HS6ST3: variants seen among roughly 807,000 people sequenced by gnomAD.
The protein encoded by HS6ST3 is heparan sulfate 6-O-sulfotransferase 3, also known as heparan-sulfate 6-O-sulfotransferase 3.
Under a neutral mutation model 36.7 loss-of-function variants are expected in HS6ST3, and 12 were observed. The observed-to-expected ratio is 0.33, with a 90% CI of 0.21 to 0.53. The LOEUF (loss-of-function observed/expected upper bound fraction) is 0.53. HS6ST3 is among the 20% of genes least tolerant of loss of function. HS6ST3 has a pLI of 0.95. For synonymous variants in HS6ST3, 240 were observed against 257.5 expected, an observed-to-expected ratio of 0.93 and a Z score of 0.65; for missense variants, 584 against 640.9, an observed-to-expected ratio of 0.91 and a Z score of 0.96.
intron 1 of HS6ST3, among the ~76,000 whole-genome samples, chr13:96,513,649 A>G (rs745609449): frequency 6.4e-4 from 97 of 152,222 alleles, no homozygotes; most frequent in Non-Finnish European, 1.2e-3. Flanking sequence ...CATACTGTCT[A>G]TAATTTATTT....
intron 1 of HS6ST3, among the ~76,000 whole-genome samples, chr13:96,384,702 A>C (rs1293756868): frequency 6.6e-6 from 1 of 152,150 alleles, no homozygotes; most frequent in Non-Finnish European, 1.5e-5. Context: ...CCATCCCAGA[A>C]GACTCCTTAG....
At chr13:96,737,427 C>G (rs1382081231) in intron 1 of HS6ST3, among the ~76,000 whole-genome samples, 1 of 151,092 alleles carries the variant, frequency 6.6e-6, no homozygotes, top group Non-Finnish European at 1.5e-5. Context: ...AGATCGAGAC[C>G]ATCCTGGCTA....
chr13:96,534,713 C>T (rs1323262368), intron 1 of HS6ST3, among the ~76,000 whole-genome samples: 1 of 152,158 alleles, frequency 6.6e-6, no homozygotes, highest in East Asian at 1.9e-4. Flanking sequence ...AATCCCAGTG[C>T]TTTGGGAGGC....
chr13:96,348,854 A>C (rs1285575595), intron 1 of HS6ST3, among the ~76,000 whole-genome samples: 1 of 152,174 alleles, frequency 6.6e-6, no homozygotes, highest in Non-Finnish European at 1.5e-5. Flanking sequence ...CAGGTGAAGA[A>C]AAGCCTGATA....
intron 1 of HS6ST3, among the ~76,000 whole-genome samples, chr13:96,421,779 T>C (rs1566356634): frequency 6.6e-6 from 1 of 152,234 alleles, no homozygotes; most frequent in Non-Finnish European, 1.5e-5. Flanking sequence ...GTACACATAT[T>C]GTTTGTTTGC....
intron 1 of HS6ST3, among the ~76,000 whole-genome samples, chr13:96,776,572 A>T (rs866541216): frequency 6.6e-6 from 1 of 152,218 alleles, no homozygotes; most frequent in Non-Finnish European, 1.5e-5. Flanking sequence ...ACCTCTACAT[A>T]AATAAACTAC....
intron 1 of HS6ST3, among the ~76,000 whole-genome samples, chr13:96,475,068 G>A (rs1319883584): frequency 1.3e-5 from 2 of 151,410 alleles, no homozygotes; most frequent in East Asian, 3.9e-4. Flanking sequence ...TCACCAGTGA[G>A]GCTACTTTTT....
At position 96,246,098 on chromosome 13, in the gene HS6ST3, T is replaced by C. The variant is rs116671472; in HGVS notation, c.707+154529T>C. 9.8e-3 allele frequency among the ~76,000 whole-genome samples: 1,496 copies of C among 152,294 alleles called. 24 individuals are homozygous for C. Among genetic ancestry groups the C allele is most frequent in the African/African-American group, 0.035 (1,437 of 41,560 alleles). ...TTTATTAGATTAAATAATATGTATGTAGATACATGAGTGGCTGTTTTGTTG... is the reference window on the plus strand; with the variant it reads ...TTTATTAGATTAAATAATATGTATGCAGATACATGAGTGGCTGTTTTGTTG... On this transcript the variant is annotated intron_variant, in intron 1 of 1. Transcript: ENST00000376705.
intron 1 of HS6ST3, among the ~76,000 whole-genome samples, chr13:96,368,566 A>G (rs887912635): frequency 2.0e-5 from 3 of 152,026 alleles, no homozygotes; most frequent in Admixed American, 2.0e-4. Context: ...ATAATTCAGT[A>G]TCTACAGCAT....
chr13:96,815,361 C>A (rs576510876), intron 1 of HS6ST3, among the ~76,000 whole-genome samples: 4 of 152,214 alleles, frequency 2.6e-5, no homozygotes, highest in Non-Finnish European at 5.9e-5. Flanking sequence ...AATGACCTCA[C>A]CTTAACCTGA....
rs1458061763 is a variant in HS6ST3 at position 96,637,017 on chromosome 13, A to G, written c.708-195473A>G. 2.6e-5 allele frequency among the ~76,000 whole-genome samples: 4 copies of G among 152,296 alleles called. No individual in the cohort carries two copies. In the East Asian group the frequency reaches 7.7e-4, roughly 29 times the overall value. ...AAAAATAAAATTTAAATTTAAAAAA[A>G]AAGAATACAAGTGTTTTCTTTAATT... On this transcript the variant is annotated intron_variant, in intron 1 of 1. Transcript: ENST00000376705.
At chr13:96,149,435 T>C (rs1389037872) in intron 1 of HS6ST3, among the ~76,000 whole-genome samples, 2 of 152,180 alleles carry the variant, frequency 1.3e-5, no homozygotes, top group Admixed American at 1.3e-4. Context: ...TTTTCCTGTT[T>C]TGAGAGAAAA....
At chr13:96,747,971 T>A (rs776363396) in intron 1 of HS6ST3, among the ~76,000 whole-genome samples, 1 of 152,112 alleles carries the variant, frequency 6.6e-6, no homozygotes, top group Non-Finnish European at 1.5e-5. Context: ...AAAATTAAGT[T>A]CTTTGGCTTT....
At chr13:96,587,882 G>C (rs1165569439) in intron 1 of HS6ST3, among the ~76,000 whole-genome samples, 1 of 152,150 alleles carries the variant, frequency 6.6e-6, no homozygotes, top group Non-Finnish European at 1.5e-5. Context: ...TCTAAGCTAT[G>C]AACACAGGAT....
intron 1 of HS6ST3, among the ~76,000 whole-genome samples, chr13:96,354,805 C>T (rs552651672): frequency 6.6e-6 from 1 of 152,084 alleles, no homozygotes; most frequent in Non-Finnish European, 1.5e-5. Context: ...CCATTAAAAT[C>T]GAATGAAGGA....
intron 1 of HS6ST3, among the ~76,000 whole-genome samples, chr13:96,740,546 G>A (rs142837641): frequency 7.9e-4 from 120 of 152,282 alleles, no homozygotes; most frequent in South Asian, 4.6e-3. Flanking sequence ...AATAGCTTTT[G>A]AACCAAGAGT....
At chr13:96,672,253 A>G (rs2056685052) in intron 1 of HS6ST3, among the ~76,000 whole-genome samples, 1 of 152,138 alleles carries the variant, frequency 6.6e-6, no homozygotes, top group Non-Finnish European at 1.5e-5. Context: ...ATGACTATGT[A>G]TTGTTCACAG....
intron 1 of HS6ST3, among the ~76,000 whole-genome samples, chr13:96,684,229 A>G (rs1416660896): frequency 6.6e-6 from 1 of 151,838 alleles, no homozygotes; most frequent in African/African-American, 2.4e-5. Flanking sequence ...TCTCTTTTTA[A>G]ATTTTTTTCT....
chr13:96,611,884 A>G (rs564572702), intron 1 of HS6ST3, among the ~76,000 whole-genome samples: 1 of 152,308 alleles, frequency 6.6e-6, no homozygotes, highest in South Asian at 2.1e-4. Flanking sequence ...CAAAGTAAGC[A>G]GGGGTCATCG....
Sources: gnomAD v4.1 joint callset for allele counts (sites outside exome capture counted in the v4.1 genomes callset) on GRCh38, gnomAD v4.1.1 for gene constraint, MANE v1.5 for transcripts, NCBI Gene and HGNC (gene_info 2026-07-23, HGNC 2026-07-21) for gene names.